Variants in CEP15 observed in about 807,000 individuals in gnomAD.
CEP15 encodes the protein centrosomal protein 15 kDa.
chr3:62,328,779 G>A, the CEP15 span, among the ~76,000 whole-genome samples: 1 of 127,050 alleles, frequency 7.9e-6, no homozygotes, highest in Non-Finnish European at 1.9e-5. Context: ...ATACTCAGAT[G>A]CATAAAGGTT....
At chr3:62,324,521 C>T in the CEP15 span, among the ~76,000 whole-genome samples, 1 of 152,134 alleles carries the variant, frequency 6.6e-6, no homozygotes, top group African/African-American at 2.4e-5. Flanking sequence ...AGCACTAAAA[C>T]TTCTTTCATG....
At chr3:62,320,514 CAT>C in the CEP15 span, 1 of 1,610,966 alleles carries the variant, frequency 6.2e-7, no homozygotes, top group South Asian at 1.1e-5. Context: ...TTCTAAAAGA[CAT>C]GAAGAAATGT....
the CEP15 span, chr3:62,323,832 G>A: frequency 2.0e-5 from 3 of 152,056 alleles, no homozygotes; most frequent in Non-Finnish European, 4.4e-5. Flanking sequence ...AGACGAAATA[G>A]CATACCTTCC....
At chr3:62,322,429 C>A in the CEP15 span, 1 of 168,426 alleles carries the variant, frequency 5.9e-6, no homozygotes, top group Non-Finnish European at 1.3e-5. The surrounding 1 kb of genome is among the most constrained non-coding windows in gnomAD (Gnocchi z 5.5). Flanking sequence ...TATTGAGAGC[C>A]AACTCACAAC....
the CEP15 span, among the ~76,000 whole-genome samples, chr3:62,324,297 G>A: frequency 5.3e-5 from 8 of 151,988 alleles, no homozygotes; most frequent in Non-Finnish European, 1.2e-4. Context: ...GGAGGCTGTG[G>A]CAGGAAGTTC....
the CEP15 span, among the ~76,000 whole-genome samples, chr3:62,329,667 T>C: frequency 6.6e-6 from 1 of 152,204 alleles, no homozygotes; most frequent in African/African-American, 2.4e-5. Flanking sequence ...ACATGTCTCC[T>C]ATTTGTATCT....
At chr3:62,319,749 C>T in the CEP15 span, 1 of 152,258 alleles carries the variant, frequency 6.6e-6, no homozygotes, top group African/African-American at 2.4e-5. Context: ...TTAAGCCCAA[C>T]CAGATGAGTT....
chr3:62,320,596 A>G, the CEP15 span: 6 of 1,158,912 alleles, frequency 5.2e-6, no homozygotes, highest in African/African-American at 3.1e-5. Flanking sequence ...TTGTATACAC[A>G]GGATGACTTA....
the CEP15 span, among the ~76,000 whole-genome samples, chr3:62,321,384 C>T: frequency 6.6e-6 from 1 of 152,122 alleles, no homozygotes; most frequent in Non-Finnish European, 1.5e-5. The surrounding 1 kb of genome is among the most constrained non-coding windows in gnomAD (Gnocchi z 4.1). Flanking sequence ...GCCTCTCACT[C>T]ATATATCAAA....
At chr3:62,333,107 T>C in the CEP15 span, 2 of 643,218 alleles carry the variant, frequency 3.1e-6, no homozygotes, top group Non-Finnish European at 4.7e-6. This position sits in a 1 kb window ranked among gnomAD's most constrained non-coding sequence, Gnocchi z 4.0. Context: ...AAATATTCTG[T>C]AGAGGAAATG....
At chr3:62,328,227 A>T in the CEP15 span, among the ~76,000 whole-genome samples, 1 of 152,360 alleles carries the variant, frequency 6.6e-6, no homozygotes, top group Non-Finnish European at 1.5e-5. Context: ...TGCAGATTTA[A>T]ATTAAAATCG....
chr3:62,325,892 TGC>T, the CEP15 span, among the ~76,000 whole-genome samples: 5 of 151,800 alleles, frequency 3.3e-5, no homozygotes, highest in East Asian at 9.8e-4. Context: ...GGTGTGGTGG[TGC>T]GCGCCTGTAG....
the CEP15 span, chr3:62,333,807 A>G: frequency 6.6e-6 from 1 of 152,174 alleles, no homozygotes; most frequent in Non-Finnish European, 1.5e-5. The surrounding 1 kb of genome is among the most constrained non-coding windows in gnomAD (Gnocchi z 4.0). Context: ...TTTTTTTTAA[A>G]CCATTATTGT....
chr3:62,327,986 A>C, the CEP15 span, among the ~76,000 whole-genome samples: 2 of 152,110 alleles, frequency 1.3e-5, no homozygotes, highest in African/African-American at 4.8e-5. Flanking sequence ...AGTCTTTGAT[A>C]GTTTCTTTTC....
At chr3:62,321,771 G>C in the CEP15 span, among the ~76,000 whole-genome samples, 1 of 152,150 alleles carries the variant, frequency 6.6e-6, no homozygotes, top group Non-Finnish European at 1.5e-5. This position sits in a 1 kb window ranked among gnomAD's most constrained non-coding sequence, Gnocchi z 4.1. Flanking sequence ...AACTACCTCA[G>C]ATTTTTCACT....
At chr3:62,325,268 A>T in the CEP15 span, among the ~76,000 whole-genome samples, 3 of 152,222 alleles carry the variant, frequency 2.0e-5, no homozygotes, top group East Asian at 5.8e-4. Flanking sequence ...GAGTCTTTGT[A>T]AAAACTAACA....
At chr3:62,332,487 T>A in the CEP15 span, among the ~76,000 whole-genome samples, 1 of 152,066 alleles carries the variant, frequency 6.6e-6, no homozygotes. Flanking sequence ...TGCCCTCCTA[T>A]GACACAGGGC....
At chr3:62,322,856 G>T in the CEP15 span, among the ~76,000 whole-genome samples, 1 of 152,162 alleles carries the variant, frequency 6.6e-6, no homozygotes, top group Admixed American at 6.5e-5. This position sits in a 1 kb window ranked among gnomAD's most constrained non-coding sequence, Gnocchi z 5.5. Context: ...AGAGGATAAA[G>T]GAAGAGGAAA....
the CEP15 span, chr3:62,335,852 C>T: frequency 2.0e-5 from 3 of 151,912 alleles, no homozygotes; most frequent in Non-Finnish European, 4.4e-5. Flanking sequence ...TGCAGAAACA[C>T]TTCTGGTATA....
Sources: allele counts gnomAD v4.1 joint callset (sites outside exome capture counted in the v4.1 genomes callset), GRCh38; gene constraint gnomAD v4.1.1; non-coding constraint Gnocchi (gnomAD v3.1); transcripts MANE v1.5; gene names NCBI Gene and HGNC (gene_info 2026-07-23, HGNC 2026-07-21).